The following EMC2 variants were observed in gnomAD, a reference collection of about 807,000 sequenced individuals.
EMC2 encodes the protein TPR repeat protein 35.
In EMC2, 37 loss-of-function variants were observed where a neutral mutation model predicts 51.6. The observed-to-expected ratio is 0.72, with a 90% CI of 0.55 to 0.94. The LOEUF is 0.94. EMC2 is among the 40% of genes least tolerant of loss of function. The probability of loss-of-function intolerance (pLI) is 0.00; values close to 1 mark genes in which losing one functional copy is unlikely to be tolerated. For missense variants in EMC2, 359 were observed against 350.9 expected, an observed-to-expected ratio of 1.02 and a Z score of -0.18; for synonymous variants, 131 against 112.4, an observed-to-expected ratio of 1.17 and a Z score of -1.04.
intron 1 of EMC2, 65 bp downstream of exon 1, chr8:108,443,763 G>A (rs1376055580): frequency 2.8e-6 from 4 of 1,418,500 alleles, no homozygotes; most frequent in East Asian, 2.4e-5. Flanking sequence ...GGGAGTACCC[G>A]CTGCTTTCGG....
chr8:108,461,130 T>G (rs957886415), intron 5 of EMC2, among the ~76,000 whole-genome samples: 1 of 152,222 alleles, frequency 6.6e-6, no homozygotes, highest in African/African-American at 2.4e-5. Flanking sequence ...CAACTTAGTA[T>G]CTCAAAGGCG....
chr8:108,468,241 T>G (rs1246826971), intron 5 of EMC2, among the ~76,000 whole-genome samples: 2 of 152,214 alleles, frequency 1.3e-5, no homozygotes, highest in African/African-American at 4.8e-5. Flanking sequence ...CTAAAATTCT[T>G]AATGGCTTTA....
rs996826371 is a variant in EMC2 at position 108,475,695 on chromosome 8, A to G, written c.510-187A>G. On this transcript the variant is annotated intron_variant, in intron 7 of 10. Transcript: ENST00000220853. The stretch of plus-strand genomic sequence containing the variant: ...TAAGCCTGTGTTTATTAATTTCATG[A>G]TAAAATTTAATGTCATTGATATTTA... 5.9e-6 allele frequency: 3 copies of G among 506,260 alleles called. No homozygotes were observed. The African/African-American group carries it at 6.1e-5, about 10-fold the overall frequency. 31.4% of individuals were successfully genotyped at this position (506,260 alleles called of 1,614,324 possible).
chr8:108,458,489 C>T (rs1257344487), intron 5 of EMC2, among the ~76,000 whole-genome samples: 1 of 152,168 alleles, frequency 6.6e-6, no homozygotes, highest in East Asian at 1.9e-4. Context: ...GACAGGGGTT[C>T]CTAAACCTCA....
At chr8:108,467,513 TA>T (rs1810754780) in intron 5 of EMC2, among the ~76,000 whole-genome samples, 3 of 36,418 alleles carry the variant, frequency 8.2e-5, no homozygotes, top group Non-Finnish European at 1.4e-4. Flanking sequence ...CACGCTCAGC[TA>T]ATTTTTTTGT....
rs1442876465 is a variant in EMC2, at chr8:108,459,151, C to G, written c.363+3221C>G. On this transcript the variant is annotated intron_variant, in intron 5 of 10. Transcript: ENST00000220853. ...ACCACCTCGGCCTGAATTTCATTGT[C>G]CGTATCATTAGCATTTTGGGCAAAA... Among the ~76,000 whole-genome samples, 3 of 152,190 alleles carry G rather than the reference C, an allele frequency of 2.0e-5. No individual in the cohort carries two copies. The East Asian group carries it at 5.8e-4, about 29-fold the overall frequency.
chr8:108,471,912 G>T (rs1810864470), intron 7 of EMC2, among the ~76,000 whole-genome samples: 1 of 151,862 alleles, frequency 6.6e-6, no homozygotes, highest in Non-Finnish European at 1.5e-5. Context: ...ATTTACTAGA[G>T]TCCCTCTTTA....
chr8:108,468,464 T>A (rs1368966975), intron 5 of EMC2, among the ~76,000 whole-genome samples: 1 of 152,034 alleles, frequency 6.6e-6, no homozygotes, highest in East Asian at 1.9e-4. Context: ...TATTTTTTAT[T>A]TTTTTTACTC....
intron 4 of EMC2, among the ~76,000 whole-genome samples, chr8:108,453,784 A>G (rs763345146): frequency 1.7e-4 from 26 of 152,020 alleles, no homozygotes; most frequent in Admixed American, 8.5e-4. Context: ...TATTCTGCCT[A>G]TTATGTCTGT....
In EMC2 at chr8:108,486,505, T is replaced by TA. The variant is rs752354421; in HGVS notation, c.808-5dup. The stretch of plus-strand genomic sequence containing the variant: ...TAATTGAGCTTTTTTTTTTTTTTTT[T>TA]AATTAGTTTGCAGGTCGAAGTAAGA... On this transcript the variant is annotated splice_polypyrimidine_tract_variant and splice_region_variant and intron_variant, in intron 10 of 10. Transcript: ENST00000220853. The TA allele has an allele frequency of 4.9e-5, 76 of 1,555,056 alleles. No individual in the cohort carries two copies. The highest frequency in any genetic ancestry group is 4.6e-5 in the East Asian group (2 of 43,756).
intron 1 of EMC2, among the ~76,000 whole-genome samples, chr8:108,447,967 A>C (rs1240589961): frequency 1.3e-5 from 2 of 152,096 alleles, no homozygotes; most frequent in Non-Finnish European, 2.9e-5. Flanking sequence ...GTAGGGCTTC[A>C]CATTTTATAA....
intron 1 of EMC2, among the ~76,000 whole-genome samples, chr8:108,446,495 G>A (rs1014417647): frequency 6.7e-6 from 1 of 150,180 alleles, no homozygotes; most frequent in South Asian, 2.1e-4. Context: ...GTAAATCTTC[G>A]AAATACTTCG....
chr8:108,486,854 T>A lies in EMC2; in HGVS notation c.*256T>A, dbSNP rs576607732. The A allele has an allele frequency of 2.1e-5, 6 of 290,156 alleles. No homozygotes were observed. Among genetic ancestry groups the A allele is most frequent in the African/African-American group, 1.1e-4 (5 of 45,886 alleles). 18.0% of individuals were successfully genotyped at this position (290,156 alleles called of 1,614,324 possible). A position where few individuals can be genotyped will look rare whatever the true frequency, so the allele number is the denominator to read the frequency against. ...TCTCTTCATATCACATATACATGTA[T>A]ATATATAAAACTCTAATGTAGTATA... On this transcript the variant is annotated 3_prime_UTR_variant, in exon 11 of 11. Transcript: ENST00000220853.
rs543082943 is a variant in EMC2 at position 108,486,784 on chromosome 8, G to A, written c.*186G>A. On this transcript the variant is annotated 3_prime_UTR_variant, in exon 11 of 11. Transcript: ENST00000220853. Reference sequence around the variant, plus strand: ...TTTACTGCTAAGTGGGGAGATGGGGGAAATCCATGGAAGAGAGATTTAAGA... The same window carrying A: ...TTTACTGCTAAGTGGGGAGATGGGGAAAATCCATGGAAGAGAGATTTAAGA... The A allele has an allele frequency of 1.3e-5, 6 of 478,750 alleles. No homozygotes were observed. The highest frequency in any genetic ancestry group is 1.8e-5 in the Non-Finnish European group (5 of 281,822). The allele number at this position is 478,750 out of a possible 1,614,324, so 29.7% of individuals were successfully genotyped here.
chr8:108,459,080 G>A (rs1423843810), intron 5 of EMC2, among the ~76,000 whole-genome samples: 1 of 152,158 alleles, frequency 6.6e-6, no homozygotes, highest in African/African-American at 2.4e-5. Context: ...AACATAACGA[G>A]TCACTTTTGC....
intron 5 of EMC2, among the ~76,000 whole-genome samples, chr8:108,462,368 C>A (rs1159296448): frequency 1.3e-5 from 2 of 152,048 alleles, no homozygotes; most frequent in Admixed American, 1.3e-4. Context: ...GATATATAGT[C>A]CCTTGTCTTG....
rs1283062517 is a variant in EMC2, at chr8:108,488,141, C to T, written c.*1543C>T. Among the ~76,000 whole-genome samples the T allele has an allele frequency of 6.7e-6, 1 of 149,380 alleles. No individual in the cohort carries two copies. Among genetic ancestry groups the T allele is most frequent in the Non-Finnish European group, 1.5e-5 (1 of 67,554 alleles). ...TTGTGTAATAAGTAATTCAGTGCCT[C>T]TTATAGCTGTCTGCCTTAGTTTCAC... On this transcript the variant is annotated 3_prime_UTR_variant, in exon 11 of 11. Coordinates refer to ENST00000220853, the MANE Select transcript of EMC2 (RefSeq NM_014673.5).
chr8:108,453,566 A>T (rs1819082277), intron 4 of EMC2, among the ~76,000 whole-genome samples: 1 of 151,666 alleles, frequency 6.6e-6, no homozygotes, highest in Non-Finnish European at 1.5e-5. Context: ...TTTAATGCTT[A>T]GTCATTCTTT....
At chr8:108,460,300 T>C (rs1170588624) in intron 5 of EMC2, among the ~76,000 whole-genome samples, 3 of 152,240 alleles carry the variant, frequency 2.0e-5, no homozygotes, top group Non-Finnish European at 4.4e-5. Flanking sequence ...TGATTAATTA[T>C]TGCTCTGTCT....
Sources: gnomAD v4.1 joint callset for allele counts (sites outside exome capture counted in the v4.1 genomes callset) on GRCh38, gnomAD v4.1.1 for gene constraint, MANE v1.5 for transcripts, NCBI Gene and HGNC (gene_info 2026-07-23, HGNC 2026-07-21) for gene names.